The following TOMM20L variants were observed in gnomAD, a reference collection of about 807,000 sequenced individuals.
The protein encoded by TOMM20L is TOMM20-like protein 1.
Under a neutral mutation model 20.4 loss-of-function variants are expected in TOMM20L, and 19 were observed. That is an observed-to-expected ratio of 0.93 (90% CI 0.65 to 1.36). The LOEUF is 1.36. TOMM20L is among the 40% of genes most tolerant of loss of function. The probability of loss-of-function intolerance (pLI) is 0.00; values close to 1 mark genes in which losing one functional copy is unlikely to be tolerated. For synonymous variants in TOMM20L, 75 were observed against 79.6 expected, an observed-to-expected ratio of 0.94 and a Z score of 0.30; for missense variants, 218 against 203.7, an observed-to-expected ratio of 1.07 and a Z score of -0.43.
At chr14:58,411,023 A>T (rs187739951), downstream of TOMM20L, 535 of 886,922 alleles carry the variant, frequency 6.0e-4, no homozygotes, top group African/African-American at 7.8e-3. Flanking sequence ...TTTTATATTT[A>T]GACAAAATAT....
downstream of TOMM20L, among the ~76,000 whole-genome samples, chr14:58,411,630 C>T (rs2036219988): frequency 6.6e-6 from 1 of 151,764 alleles, no homozygotes; most frequent in Admixed American, 6.6e-5. Flanking sequence ...GCCTCTGCTT[C>T]CTGGGTCAAG....
chr14:58,415,512 T>C, the TOMM20L span, among the ~76,000 whole-genome samples: 4 of 152,028 alleles, frequency 2.6e-5, no homozygotes, highest in South Asian at 2.1e-4. Context: ...AGCAAAGAAA[T>C]AGAAGATATC....
At chr14:58,400,739 A>C (rs1296342237) in intron 2 of TOMM20L, among the ~76,000 whole-genome samples, 2 of 151,996 alleles carry the variant, frequency 1.3e-5, no homozygotes, top group African/African-American at 2.4e-5. Context: ...TTGGCTGGGC[A>C]TAGTGGCGTG....
intron 2 of TOMM20L, among the ~76,000 whole-genome samples, chr14:58,399,483 G>C (rs1214165218): frequency 1.3e-5 from 2 of 152,120 alleles, no homozygotes; most frequent in Non-Finnish European, 2.9e-5. Flanking sequence ...CCCAGAGATT[G>C]ATTCAGTAGG....
At chr14:58,401,287 C>G (rs1486263103) in intron 2 of TOMM20L, among the ~76,000 whole-genome samples, 1 of 151,864 alleles carries the variant, frequency 6.6e-6, no homozygotes, top group Non-Finnish European at 1.5e-5. Flanking sequence ...AAAGGTGACC[C>G]CTGGCTGGGC....
chr14:58,402,896 A>G (rs1464526467), intron 3 of TOMM20L, 135 bp downstream of exon 3: 1 of 662,710 alleles, frequency 1.5e-6, no homozygotes. Context: ...CTATCCCAGC[A>G]TGTTCACTTC....
At chr14:58,417,020 T>C in the TOMM20L span, among the ~76,000 whole-genome samples, 2 of 152,106 alleles carry the variant, frequency 1.3e-5, no homozygotes, top group African/African-American at 4.8e-5. Context: ...GGGCAAGTCT[T>C]TCCCATGCTG....
chr14:58,404,099 G>GTGTATATATATATATATATATA (rs1408980666), intron 3 of TOMM20L, among the ~76,000 whole-genome samples: 1 of 22,928 alleles, frequency 4.4e-5, no homozygotes, highest in African/African-American at 1.3e-4. Context: ...ACATATATAT[G>GTGTATATATATATATATATATA]TATATATATA....
rs2140306667 is a variant in TOMM20L at position 58,407,574 on chromosome 14, T to C, written c.405+106T>C. ...TATGTGTGTGAATTGCCCAAAATCT[T>C]AAATAAGTGAAATCTCTGAATTTTT... On this transcript the variant is annotated intron_variant, in intron 4 of 4. Coordinates refer to ENST00000360945, the MANE Select transcript of TOMM20L (RefSeq NM_207377.3). The C allele has an allele frequency of 2.4e-6, 3 of 1,265,906 alleles. No homozygotes were observed. In the East Asian group the frequency reaches 8.3e-5, roughly 35 times the overall value. The allele number at this position is 1,265,906 out of a possible 1,614,324, so 78.4% of individuals were successfully genotyped here.
downstream of TOMM20L, chr14:58,411,784 A>G (rs1595009950): frequency 1.2e-6 from 1 of 828,280 alleles, no homozygotes; most frequent in East Asian, 2.5e-5. Flanking sequence ...TGATCCACCC[A>G]CCTGGGCCTC....
downstream of TOMM20L, among the ~76,000 whole-genome samples, chr14:58,411,698 C>A (rs936807755): frequency 6.6e-6 from 1 of 151,758 alleles, no homozygotes; most frequent in Admixed American, 6.6e-5. Flanking sequence ...GCCAGCACGC[C>A]CAGCTAATTT....
At chr14:58,409,860 G>C (rs1057428153), downstream of TOMM20L, among the ~76,000 whole-genome samples, 1 of 152,076 alleles carries the variant, frequency 6.6e-6, no homozygotes, top group African/African-American at 2.4e-5. Flanking sequence ...TTCCAGGCGT[G>C]AGCCACCGCG....
At chr14:58,410,940 TACAA>T (rs1161070687), downstream of TOMM20L, 5 of 1,606,722 alleles carry the variant, frequency 3.1e-6, no homozygotes, top group African/African-American at 2.7e-5. Context: ...TTCCTTAAAC[TACAA>T]ACAAACCAGA....
chr14:58,407,584 A>C, intron 4 of TOMM20L, 116 bp downstream of exon 4: 2 of 1,197,656 alleles, frequency 1.7e-6, no homozygotes, highest in Admixed American at 6.6e-5. Context: ...TAAATAAGTG[A>C]AATCTCTGAA....
At chr14:58,400,706 C>T (rs769972524) in intron 2 of TOMM20L, among the ~76,000 whole-genome samples, 5 of 151,850 alleles carry the variant, frequency 3.3e-5, no homozygotes, top group Admixed American at 1.3e-4. Context: ...GGTGAAACCC[C>T]GTCTCTACTA....
chr14:58,415,879 C>A, the TOMM20L span, among the ~76,000 whole-genome samples: 1 of 151,992 alleles, frequency 6.6e-6, no homozygotes, highest in African/African-American at 2.4e-5. Flanking sequence ...ACAGCATAAA[C>A]CCGATGAAAC....
At chr14:58,401,804 G>A (rs1042917435) in intron 2 of TOMM20L, among the ~76,000 whole-genome samples, 1 of 152,058 alleles carries the variant, frequency 6.6e-6, no homozygotes, top group Non-Finnish European at 1.5e-5. Context: ...TGAACCAACC[G>A]CAGTAAACCA....
At chr14:58,406,239 T>G (rs1018831251) in intron 3 of TOMM20L, among the ~76,000 whole-genome samples, 2 of 152,232 alleles carry the variant, frequency 1.3e-5, no homozygotes, top group Admixed American at 1.3e-4. Context: ...TTGACCAAAT[T>G]GATTGTTTTG....
Position 58,407,626 on chromosome 14 carries a change from T to C in TOMM20L, c.405+158T>C, listed in dbSNP as rs372803198. 2.6e-5 allele frequency among the ~76,000 whole-genome samples: 4 copies of C among 152,366 alleles called. 1 individual carries two copies. ...GCTGCTTTAACACGAAGCAAGCCTA[T>C]TCTTCATTTTCCTTTGACTATAATA... is the stretch of plus-strand genomic sequence containing the variant. On this transcript the variant is annotated intron_variant, in intron 4 of 4. Coordinates refer to ENST00000360945, the MANE Select transcript of TOMM20L (RefSeq NM_207377.3).
Sources: gnomAD v4.1 joint callset for allele counts (sites outside exome capture counted in the v4.1 genomes callset) on GRCh38, gnomAD v4.1.1 for gene constraint, MANE v1.5 for transcripts, NCBI Gene and HGNC (gene_info 2026-07-23, HGNC 2026-07-21) for gene names.